The following DNAAF5 variants were observed in gnomAD, a reference collection of about 807,000 sequenced individuals.
The protein encoded by DNAAF5 is HEAT repeat containing 2.
Under a neutral mutation model 75.8 loss-of-function variants are expected in DNAAF5, and 64 were observed. The observed-to-expected ratio is 0.84, with a 90% CI of 0.69 to 1.04. The LOEUF (loss-of-function observed/expected upper bound fraction) is 1.04. Ranked by LOEUF, DNAAF5 falls within the 50% of genes least tolerant of loss-of-function variation. The pLI, the probability that DNAAF5 is intolerant of heterozygous loss-of-function variation, is 0.00. For synonymous variants in DNAAF5, 657 were observed against 557.2 expected (o/e 1.18, Z -2.52); for missense variants, 1,269 against 1,178.5 (o/e 1.08, Z -1.12).
chr7:735,601 T>G (rs1188603141), intron 2 of DNAAF5, among the ~76,000 whole-genome samples: 2 of 152,262 alleles, frequency 1.3e-5, no homozygotes, highest in Admixed American at 6.5e-5. Flanking sequence ...GCTCACAGTC[T>G]CTAATGATGC....
chr7:763,900 TGA>T lies in DNAAF5; in HGVS notation c.1710_1711del (p.Thr571ArgfsTer5). On this transcript the variant is annotated frameshift_variant, in exon 8 of 13. Transcript: ENST00000297440. LOFTEE classifies it high-confidence loss of function. ...CACATTGGTCCCCTCCTGGAGCGGGTGACCGCGTCGCACCTTGACTGGACCGC... is the reference window on the plus strand; with the variant it reads ...CACATTGGTCCCCTCCTGGAGCGGGTCCGCGTCGCACCTTGACTGGACCGC... The T allele has an allele frequency of 6.2e-7, 1 of 1,612,506 alleles. No homozygotes were observed. The highest frequency in any genetic ancestry group is 8.5e-7 in the Non-Finnish European group (1 of 1,180,042).
Position 754,333 on chromosome 7 carries a change from C to G in DNAAF5, c.1025-256C>G, listed in dbSNP as rs1407037205. Among the ~76,000 whole-genome samples the G allele has an allele frequency of 6.6e-6, 1 of 152,126 alleles. No individual in the cohort carries two copies. The highest frequency in any genetic ancestry group is 1.5e-5 in the Non-Finnish European group (1 of 68,030). On this transcript the variant is annotated intron_variant, in intron 4 of 12. Coordinates refer to ENST00000297440, the MANE Select transcript of DNAAF5 (RefSeq NM_017802.4). This position sits in a 1 kb window ranked among gnomAD's most constrained non-coding sequence, Gnocchi z 4.8. ...AGAGATGGGGTCTTTGCCATGTTGC[C>G]CAGGCTGGTCTTGACTTCCTGGGCT...
At chr7:759,273 G>A (rs1313586184) in intron 6 of DNAAF5, among the ~76,000 whole-genome samples, 3 of 152,200 alleles carry the variant, frequency 2.0e-5, no homozygotes, top group Non-Finnish European at 4.4e-5. Context: ...ACTGAGCCTG[G>A]CTTCACTCCC....
rs1293663392 is a variant in DNAAF5 at position 741,411 on chromosome 7, C to T, written c.970C>T (p.Leu324=). ...GTGGCAGAAGGAGAATGAGGAGGAC[C>T]TGAAGGACAAGCTGGACTTTGCCCC... ...LQWQKENEED[L]KDKLDFAPPT... Residue 324 remains leucine (L), a synonymous_variant, in exon 4 of 13, where the codon CTG becomes TTG. Coordinates refer to ENST00000297440, the MANE Select transcript of DNAAF5 (RefSeq NM_017802.4). 1 of 1,577,266 alleles carries T rather than the reference C, an allele frequency of 6.3e-7. No homozygotes were observed. Among genetic ancestry groups the T allele is most frequent in the Non-Finnish European group, 8.6e-7 (1 of 1,162,036 alleles).
Position 761,911 on chromosome 7 carries a change from G to A in DNAAF5, c.1614+15G>A. 2 of 1,560,190 alleles carry A rather than the reference G, an allele frequency of 1.3e-6. No individual in the cohort carries two copies. Among genetic ancestry groups the A allele is most frequent in the South Asian group, 1.2e-5 (1 of 84,610 alleles). ...TGAGGGACAAGGTAAGGCTGACAGTGGTGGCTGCTGCTTGACCTAGCGGAG... is the reference window on the plus strand; with the variant it reads ...TGAGGGACAAGGTAAGGCTGACAGTAGTGGCTGCTGCTTGACCTAGCGGAG... On this transcript the variant is annotated intron_variant, in intron 7 of 12. Coordinates refer to ENST00000297440, the MANE Select transcript of DNAAF5 (RefSeq NM_017802.4).
Position 726,956 on chromosome 7 carries a change from C to T in DNAAF5, c.236C>T (p.Pro79Leu). 4 of 1,328,338 alleles carry T rather than the reference C, an allele frequency of 3.0e-6. No homozygotes were observed. The highest frequency in any genetic ancestry group is 3.9e-6 in the Non-Finnish European group (4 of 1,034,764). The allele number at this position is 1,328,338 out of a possible 1,614,324, so 82.3% of individuals were successfully genotyped here. The change falls in exon 1 of 13, where the codon CCG (proline) becomes CTG (leucine). Residue 79 changes from proline (P) to leucine (L), a missense_variant. Coordinates refer to ENST00000297440, the MANE Select transcript of DNAAF5 (RefSeq NM_017802.4). ...GGCCCCTGGGCGCGCCTACTGCTGC[C>T]GCGCTTGCTGCGCTGCCTGAGCGAC... ...FQGPWARLLL[P>L]RLLRCLSDPA...
chr7:734,396 A>G lies in DNAAF5; in HGVS notation c.780+4549A>G, dbSNP rs1041714260. 3.9e-5 allele frequency among the ~76,000 whole-genome samples: 6 copies of G among 152,254 alleles called. No homozygotes were observed. The East Asian group carries it at 9.6e-4, about 24-fold the overall frequency. On this transcript the variant is annotated intron_variant, in intron 2 of 12. Transcript: ENST00000297440. ...TCATTCTGCCGATATGATGTGTCAC[A>G]TTGATGGATTTGTGTATGTTGAGCC...
chr7:772,309 C>G (rs751698028), intron 9 of DNAAF5: 4 of 152,220 alleles, frequency 2.6e-5, no homozygotes, highest in Non-Finnish European at 5.9e-5. Flanking sequence ...ATCCCTAATC[C>G]GAACTTCAGA....
At chr7:738,040 G>A (rs2128071868) in intron 2 of DNAAF5, among the ~76,000 whole-genome samples, 1 of 152,308 alleles carries the variant, frequency 6.6e-6, no homozygotes, top group South Asian at 2.1e-4. Flanking sequence ...TGAAGGCCAG[G>A]AACTCTTAGA....
intron 10 of DNAAF5, 82 bp from the exon 11 acceptor site, chr7:774,924 G>C: frequency 8.0e-7 from 1 of 1,248,248 alleles, no homozygotes. Flanking sequence ...AGTCCTTCCA[G>C]GCAGGAGTGC....
intron 9 of DNAAF5, among the ~76,000 whole-genome samples, chr7:773,351 G>A (rs1778636895): frequency 1.3e-5 from 2 of 152,240 alleles, no homozygotes; most frequent in South Asian, 4.1e-4. Flanking sequence ...GCTGCGGGCT[G>A]TGGAGCTGGT....
intron 2 of DNAAF5, among the ~76,000 whole-genome samples, chr7:731,709 C>T (rs1781590012): frequency 6.6e-6 from 1 of 151,948 alleles, no homozygotes; most frequent in Non-Finnish European, 1.5e-5. Flanking sequence ...AGCTCGTCAG[C>T]TATCATTAGT....
Position 754,440 on chromosome 7 carries a change from C to T in DNAAF5, c.1025-149C>T. 2.8e-6 allele frequency: 2 copies of T among 725,352 alleles called. No homozygotes were observed. Among genetic ancestry groups the T allele is most frequent in the South Asian group, 3.4e-5 (2 of 59,468 alleles). The allele number at this position is 725,352 out of a possible 1,614,324, so 44.9% of individuals were successfully genotyped here. On this transcript the variant is annotated intron_variant, in intron 4 of 12. Coordinates refer to ENST00000297440, the MANE Select transcript of DNAAF5 (RefSeq NM_017802.4). The surrounding 1 kb of genome is among the most constrained non-coding windows in gnomAD (Gnocchi z 4.8). ...TCTGTGAATGTTCTGAACGACGGGG[C>T]ATTTGTCAGCTTTGCGTCCACCCCA... is the stretch of plus-strand genomic sequence containing the variant.
chr7:726,853 G>A lies in DNAAF5; in HGVS notation c.133G>A (p.Gly45Ser), dbSNP rs1175402641. Residue 45 changes from glycine (G) to serine (S), a missense_variant, in exon 1 of 13, where the codon GGC becomes AGC. Physicochemically the swap from Gly to Ser is moderately conservative, Grantham distance 56 (BLOSUM62 0). Coordinates refer to ENST00000297440, the MANE Select transcript of DNAAF5 (RefSeq NM_017802.4). The stretch of plus-strand genomic sequence containing the variant: ...GGGGCTGGAGGCCGACAGCAAGCCG[G>A]GCCGGCGGCGCGCCTTGGAGGCCCT... ...LPGLEADSKP[G>S]RRRALEALRR... 2 of 1,319,288 alleles carry A rather than the reference G, an allele frequency of 1.5e-6. No individual in the cohort carries two copies. Among genetic ancestry groups the A allele is most frequent in the African/African-American group, 1.5e-5 (1 of 64,744 alleles). 81.7% of individuals were successfully genotyped at this position (1,319,288 alleles called of 1,614,324 possible). A position where few individuals can be genotyped will look rare whatever the true frequency, so the allele number is the denominator to read the frequency against.
intron 1 of DNAAF5, among the ~76,000 whole-genome samples, chr7:728,772 G>A (rs1781455807): frequency 6.6e-6 from 1 of 152,148 alleles, no homozygotes; most frequent in Non-Finnish European, 1.5e-5. Flanking sequence ...TGGGGTGAGG[G>A]ACTGTGCCTC....
intron 11 of DNAAF5, chr7:778,133 C>T (rs1583522378): frequency 6.6e-6 from 1 of 152,202 alleles, no homozygotes; most frequent in East Asian, 1.9e-4. Flanking sequence ...TGTTTTTATT[C>T]TTTAGTAACA....
At chr7:758,212 A>T (rs566700398) in intron 6 of DNAAF5, among the ~76,000 whole-genome samples, 3 of 152,248 alleles carry the variant, frequency 2.0e-5, no homozygotes, top group African/African-American at 4.8e-5. Context: ...TGATTTCTGT[A>T]TACAGATTTG....
chr7:730,341 C>A (rs1333115599), intron 2 of DNAAF5, among the ~76,000 whole-genome samples: 1 of 152,116 alleles, frequency 6.6e-6, no homozygotes, highest in Non-Finnish European at 1.5e-5. Context: ...AGAATCTGGC[C>A]TGGAGGGCAT....
intron 9 of DNAAF5, chr7:770,857 C>T (rs887022148): frequency 2.1e-6 from 1 of 480,092 alleles, no homozygotes; most frequent in African/African-American, 1.9e-5. Flanking sequence ...CCCTCCCCCA[C>T]AGCACTCTGG....
Sources: gnomAD v4.1 joint callset for allele counts (sites outside exome capture counted in the v4.1 genomes callset) on GRCh38, gnomAD v4.1.1 for gene constraint, Gnocchi (gnomAD v3.1) non-coding constraint, MANE v1.5 for transcripts, NCBI Gene and HGNC (gene_info 2026-07-23, HGNC 2026-07-21) for gene names.